GRIP1: variants seen among roughly 807,000 people sequenced by gnomAD.
GRIP1 encodes glutamate receptor-interacting protein 1.
GRIP1 carries 45 observed loss-of-function variants against 129.9 expected under a neutral mutation model. That is an observed-to-expected ratio of 0.35 (90% confidence interval 0.27 to 0.44). The LOEUF is 0.44. GRIP1 is among the 20% of genes least tolerant of loss of function. The pLI is 1.00. For missense variants in GRIP1, 1,196 were observed against 1,396.8 expected, an observed-to-expected ratio of 0.86 and a Z score of 2.29; for synonymous variants, 530 against 520.8, an observed-to-expected ratio of 1.02 and a Z score of -0.24.
Position 66,818,102 on chromosome 12 carries a change from C to G in GRIP1, c.59-221175G>C, listed in dbSNP as rs192376215. On this transcript the variant is annotated intron_variant, in intron 1 of 1. Coordinates refer to the GRIP1 transcript ENST00000643019. Reference sequence around the variant, plus strand: ...AAACTATGTCAAGGAACTGTTTGTACTCTATCACATTAATATCAGTTGTTC... The same window carrying G: ...AAACTATGTCAAGGAACTGTTTGTAGTCTATCACATTAATATCAGTTGTTC... Among the ~76,000 whole-genome samples, 11 of 152,274 alleles carry G rather than the reference C, an allele frequency of 7.2e-5. No homozygotes were observed. In the East Asian group the frequency reaches 1.3e-3, roughly 19 times the overall value.
intron 1 of GRIP1, among the ~76,000 whole-genome samples, chr12:66,670,004 T>C (rs1028957036): frequency 3.9e-5 from 6 of 152,218 alleles, no homozygotes; most frequent in East Asian, 1.9e-4. Flanking sequence ...ATTGGCTCCA[T>C]AGAAGATGAC....
At chr12:66,432,654 G>A in intron 13 of GRIP1, 26 bp from the exon 14 acceptor site, 2 of 1,319,914 alleles carry the variant, frequency 1.5e-6, no homozygotes, top group Non-Finnish European at 2.2e-6. Flanking sequence ...AAAAGAATGT[G>A]TTAATAGAAC....
At chr12:67,009,739 A>G (rs905694) in intron 1 of GRIP1, among the ~76,000 whole-genome samples, 4,926 of 152,222 alleles carry the variant, frequency 0.032, 187 homozygotes, top group Admixed American at 0.077. Context: ...GAGCTACTCA[A>G]TAAAGTCTGT....
intron 1 of GRIP1, among the ~76,000 whole-genome samples, chr12:66,613,758 T>C (rs2064918160): frequency 6.6e-6 from 1 of 152,186 alleles, no homozygotes; most frequent in Non-Finnish European, 1.5e-5. Context: ...GATTTGTTCT[T>C]TCCCTGAATC....
At chr12:66,593,284 G>T (rs1037377640) in intron 2 of GRIP1, among the ~76,000 whole-genome samples, 5 of 152,114 alleles carry the variant, frequency 3.3e-5, no homozygotes, top group African/African-American at 1.2e-4. Context: ...GGTGATAAAA[G>T]GATTTACGGT....
chr12:66,441,169 A>C (rs756621060), intron 13 of GRIP1, among the ~76,000 whole-genome samples: 2 of 152,206 alleles, frequency 1.3e-5, no homozygotes, highest in Non-Finnish European at 2.9e-5. Flanking sequence ...AATCCAAGGG[A>C]CATTTCCTAC....
chr12:66,916,938 C>T (rs1174182692), intron 1 of GRIP1, among the ~76,000 whole-genome samples: 1 of 152,136 alleles, frequency 6.6e-6, no homozygotes, highest in Non-Finnish European at 1.5e-5. Context: ...CATCATATAG[C>T]AGTAGGAATA....
At chr12:66,476,956 G>A (rs2059635848) in intron 7 of GRIP1, among the ~76,000 whole-genome samples, 1 of 152,106 alleles carries the variant, frequency 6.6e-6, no homozygotes, top group Admixed American at 6.5e-5. Flanking sequence ...CATTCCCTTT[G>A]AAAACCGGCA....
At chr12:66,702,334 G>A (rs1346557875) in intron 1 of GRIP1, among the ~76,000 whole-genome samples, 1 of 152,042 alleles carries the variant, frequency 6.6e-6, no homozygotes, top group Non-Finnish European at 1.5e-5. Context: ...ATCTAATAGT[G>A]CTCTAGAATT....
At chr12:66,603,867 G>T (rs769139456) in intron 1 of GRIP1, among the ~76,000 whole-genome samples, 5 of 152,224 alleles carry the variant, frequency 3.3e-5, no homozygotes, top group Non-Finnish European at 7.3e-5. Flanking sequence ...TCTAAGGTCA[G>T]ATTCACTGGA....
intron 1 of GRIP1, among the ~76,000 whole-genome samples, chr12:66,709,253 G>A (rs2035635208): frequency 2.0e-5 from 3 of 151,892 alleles, no homozygotes; most frequent in African/African-American, 7.2e-5. Flanking sequence ...AAATGTTTTT[G>A]CTCAGTGTGT....
chr12:66,985,328 G>A (rs984849777), intron 1 of GRIP1, among the ~76,000 whole-genome samples: 11 of 151,532 alleles, frequency 7.3e-5, no homozygotes, highest in African/African-American at 2.7e-4. Context: ...ATATATTGTG[G>A]CAGCTACCAT....
At chr12:66,715,216 C>T (rs999372026) in intron 1 of GRIP1, among the ~76,000 whole-genome samples, 5 of 151,926 alleles carry the variant, frequency 3.3e-5, no homozygotes, top group African/African-American at 4.8e-5. Context: ...CTTTCATGAC[C>T]TGCCTCCCAG....
intron 1 of GRIP1, among the ~76,000 whole-genome samples, chr12:66,788,186 G>T (rs923460541): frequency 6.6e-6 from 1 of 151,082 alleles, no homozygotes; most frequent in African/African-American, 2.4e-5. Flanking sequence ...CCTACTATCG[G>T]GACAACACTG....
chr12:66,444,313 C>T (rs529487072), intron 13 of GRIP1, among the ~76,000 whole-genome samples: 23 of 150,674 alleles, frequency 1.5e-4, no homozygotes, highest in Non-Finnish European at 2.7e-4. Context: ...GGTGAAACCC[C>T]GTCTCTACTA....
At chr12:66,912,864 T>C (rs919939130) in intron 1 of GRIP1, among the ~76,000 whole-genome samples, 5 of 152,164 alleles carry the variant, frequency 3.3e-5, no homozygotes, top group Non-Finnish European at 7.3e-5. Flanking sequence ...GACTATTATT[T>C]TCTTTCTCTA....
intron 1 of GRIP1, among the ~76,000 whole-genome samples, chr12:66,975,468 G>A (rs1004576594): frequency 1.3e-5 from 2 of 152,196 alleles, no homozygotes; most frequent in Non-Finnish European, 2.9e-5. Context: ...TTGTGTGCGT[G>A]AGAATTTTCA....
chr12:66,511,936 G>T (rs140216861), intron 7 of GRIP1, among the ~76,000 whole-genome samples: 34 of 152,240 alleles, frequency 2.2e-4, no homozygotes, highest in Non-Finnish European at 3.8e-4. Context: ...GGAGGGACCT[G>T]GTGGGAGGTG....
intron 5 of GRIP1, among the ~76,000 whole-genome samples, chr12:66,522,779 G>C (rs1204287392): frequency 6.6e-6 from 1 of 151,808 alleles, no homozygotes; most frequent in East Asian, 1.9e-4. Flanking sequence ...TAAAAACTTT[G>C]AAAAAAAATT....
Sources: gnomAD v4.1 joint callset for allele counts (sites outside exome capture counted in the v4.1 genomes callset) on GRCh38, gnomAD v4.1.1 for gene constraint, MANE v1.5 for transcripts, NCBI Gene and HGNC (gene_info 2026-07-23, HGNC 2026-07-21) for gene names.